Variants in RBFOX1 observed in about 807,000 individuals in gnomAD.
RBFOX1 encodes RNA binding protein fox-1 homolog 1.
Under a neutral mutation model 57.7 loss-of-function variants are expected in RBFOX1, and 8 were observed. That is an observed-to-expected ratio of 0.14 (90% CI 0.08 to 0.25). The LOEUF (loss-of-function observed/expected upper bound fraction) is 0.25. Ranked by LOEUF, RBFOX1 falls within the 10% of genes least tolerant of loss-of-function variation. The pLI is 1.00. For missense variants in RBFOX1, 611 were observed against 548.5 expected, an observed-to-expected ratio of 1.11 and a Z score of -1.14; for synonymous variants, 326 against 222.4, an observed-to-expected ratio of 1.47 and a Z score of -4.15.
At chr16:6,768,830 G>C (rs144323201) in intron 3 of RBFOX1, among the ~76,000 whole-genome samples, 1 of 151,494 alleles carries the variant, frequency 6.6e-6, no homozygotes, top group Non-Finnish European at 1.5e-5. Flanking sequence ...CAGGTTTCAA[G>C]CGATTCTTCT....
At chr16:5,491,898 G>A (rs1157509736) in intron 2 of RBFOX1, among the ~76,000 whole-genome samples, 1 of 152,198 alleles carries the variant, frequency 6.6e-6, no homozygotes, top group Middle Eastern at 3.2e-3. Context: ...ACAATGTCCA[G>A]GCCTCACATC....
In RBFOX1 at chr16:5,569,467, T is replaced by C. The variant is rs1440877350; in HGVS notation, c.259-29435T>C. Among the ~76,000 whole-genome samples the C allele has an allele frequency of 2.1e-3, 177 of 83,432 alleles. 6 individuals carry two copies. The South Asian group carries it at 0.066, about 31-fold the overall frequency. The allele number at this position is 83,432 out of a possible 152,430, so 54.7% of individuals were successfully genotyped here. The stretch of plus-strand genomic sequence containing the variant: ...TTTTTTTTTTTTTTTTTTTTTTTTT[T>C]CTTCTTCTTTTTGGAGTACTCTCTA... On this transcript the variant is annotated intron_variant, in intron 2 of 2. Transcript: ENST00000585867.
intron 3 of RBFOX1, among the ~76,000 whole-genome samples, chr16:6,696,531 T>C (rs2061075276): frequency 6.6e-6 from 1 of 152,206 alleles, no homozygotes; most frequent in Non-Finnish European, 1.5e-5. Context: ...GATGGAGAAC[T>C]TCAAATATTT....
In RBFOX1 at chr16:6,848,252, C is replaced by T. The variant is rs542329115; in HGVS notation, c.-16+193602C>T. Among the ~76,000 whole-genome samples, 3 of 152,226 alleles carry T rather than the reference C, an allele frequency of 2.0e-5. No individual in the cohort carries two copies. The South Asian group carries it at 6.2e-4, about 32-fold the overall frequency. On this transcript the variant is annotated intron_variant, in intron 3 of 15. Transcript: ENST00000550418. Reference sequence around the variant, plus strand: ...GCCCATGACCATTCAAAGGGAGTCACTTCACAGCTGCAGCTGATTGTGACC... The same window carrying T: ...GCCCATGACCATTCAAAGGGAGTCATTTCACAGCTGCAGCTGATTGTGACC...
At position 6,948,690 on chromosome 16, in the gene RBFOX1, G is replaced by T. The variant is rs148117831; in HGVS notation, c.-15-103367G>T. ...AGCCACCACGCCTGGCGTTGTGTCA[G>T]TCTTATCAGAAACTCCCTCCTCCAT... On this transcript the variant is annotated intron_variant, in intron 3 of 15. Coordinates refer to ENST00000550418, the MANE Select transcript of RBFOX1 (RefSeq NM_018723.4). 6.5e-3 allele frequency among the ~76,000 whole-genome samples: 990 copies of T among 152,130 alleles called. 16 individuals carry two copies. Among genetic ancestry groups the T allele is most frequent in the African/African-American group, 0.023 (950 of 41,500 alleles).
intron 5 of RBFOX1, among the ~76,000 whole-genome samples, chr16:7,572,579 C>G (rs2092899802): frequency 6.6e-6 from 1 of 152,172 alleles, no homozygotes; most frequent in South Asian, 2.1e-4. Flanking sequence ...GTGGCTCACG[C>G]CTGTAATCCC....
intron 4 of RBFOX1, among the ~76,000 whole-genome samples, chr16:7,379,261 T>G (rs971945054): frequency 6.6e-6 from 1 of 152,212 alleles, no homozygotes; most frequent in Non-Finnish European, 1.5e-5. Flanking sequence ...CTAAAGAGTT[T>G]CATTGGTAAC....
intron 2 of RBFOX1, among the ~76,000 whole-genome samples, chr16:6,531,541 C>G (rs114452338): frequency 0.013 from 1,997 of 152,238 alleles, 40 homozygotes; most frequent in African/African-American, 0.045. Flanking sequence ...ATTTTAATAT[C>G]ATTGGCTTTT....
In RBFOX1 at chr16:7,515,290, C is replaced by G. The variant is rs775355309; in HGVS notation, c.28-2857C>G. On this transcript the variant is annotated intron_variant, in intron 4 of 15. Coordinates refer to ENST00000550418, the MANE Select transcript of RBFOX1 (RefSeq NM_018723.4). ...TTTTTTTTTTTAATTAGTCAAGACCCTTTTGGTTGTAAGTAACAGAAAAAG... is the reference window on the plus strand; with the variant it reads ...TTTTTTTTTTTAATTAGTCAAGACCGTTTTGGTTGTAAGTAACAGAAAAAG... Among the ~76,000 whole-genome samples the G allele has an allele frequency of 2.7e-5, 4 of 150,128 alleles. No homozygotes were observed. In the South Asian group the frequency reaches 8.4e-4, roughly 32 times the overall value.
intron 4 of RBFOX1, among the ~76,000 whole-genome samples, chr16:7,239,937 C>T (rs746303159): frequency 6.6e-6 from 1 of 152,098 alleles, no homozygotes; most frequent in Non-Finnish European, 1.5e-5. Flanking sequence ...AATCAAATTC[C>T]AAAACTTCCT....
At chr16:7,707,204 T>C (rs531785010) in intron 14 of RBFOX1, among the ~76,000 whole-genome samples, 43 of 152,082 alleles carry the variant, frequency 2.8e-4, no homozygotes, top group Non-Finnish European at 4.7e-4. Flanking sequence ...GGCTTGAGAG[T>C]TGGAAGATGC....
At chr16:7,239,470 G>A (rs182201645) in intron 4 of RBFOX1, among the ~76,000 whole-genome samples, 1 of 152,160 alleles carries the variant, frequency 6.6e-6, no homozygotes, top group African/African-American at 2.4e-5. Context: ...CTGCACTCCA[G>A]CCTGGGCAAC....
intron 4 of RBFOX1, among the ~76,000 whole-genome samples, chr16:7,479,963 G>C (rs570204292): frequency 4.6e-5 from 7 of 152,282 alleles, no homozygotes; most frequent in Non-Finnish European, 8.8e-5. Context: ...GGCAAATGTT[G>C]GGGCTTGGTC....
chr16:6,579,405 C>G (rs1354007389), intron 2 of RBFOX1, among the ~76,000 whole-genome samples: 1 of 152,042 alleles, frequency 6.6e-6, no homozygotes, highest in Non-Finnish European at 1.5e-5. Context: ...CAAATCTCAT[C>G]TTGAATTGTA....
chr16:6,892,619 A>G (rs1377068690), intron 3 of RBFOX1, among the ~76,000 whole-genome samples: 1 of 152,158 alleles, frequency 6.6e-6, no homozygotes, highest in African/African-American at 2.4e-5. Context: ...GCAGTAAGGC[A>G]AGATTGCACC....
chr16:7,363,582 G>C (rs2097372755), intron 4 of RBFOX1, among the ~76,000 whole-genome samples: 2 of 152,148 alleles, frequency 1.3e-5, no homozygotes, highest in African/African-American at 4.8e-5. Flanking sequence ...TGGCTTTTAA[G>C]GCAGTGTGCC....
intron 3 of RBFOX1, among the ~76,000 whole-genome samples, chr16:6,949,795 G>A (rs2080316789): frequency 6.8e-6 from 1 of 147,338 alleles, no homozygotes; most frequent in African/African-American, 2.4e-5. Context: ...ATTTTCTTCT[G>A]AATTTTTTTT....
intron 1 of RBFOX1, among the ~76,000 whole-genome samples, chr16:6,036,176 A>G (rs2152401456): frequency 6.6e-6 from 1 of 152,310 alleles, no homozygotes. Flanking sequence ...GAACATTGAG[A>G]AGCTGCAGGA....
At chr16:6,081,398 G>T (rs558533537) in intron 1 of RBFOX1, among the ~76,000 whole-genome samples, 1 of 152,114 alleles carries the variant, frequency 6.6e-6, no homozygotes, top group Admixed American at 6.6e-5. Flanking sequence ...TCGGATGCCT[G>T]GGAATGTGAA....
Sources: gnomAD v4.1 joint callset for allele counts (sites outside exome capture counted in the v4.1 genomes callset) on GRCh38, gnomAD v4.1.1 for gene constraint, MANE v1.5 for transcripts, NCBI Gene and HGNC (gene_info 2026-07-23, HGNC 2026-07-21) for gene names.